DACT3: variants seen among roughly 807,000 people sequenced by gnomAD.
The protein encoded by DACT3 is dapper homolog 3.
Under a neutral mutation model 19.6 loss-of-function variants are expected in DACT3, and 5 were observed. The ratio of observed to expected loss-of-function variants is 0.26; its 90% CI spans 0.13 to 0.54. The LOEUF (loss-of-function observed/expected upper bound fraction) is 0.54, where lower values mean the gene tolerates loss of function less well. Ranked by LOEUF, DACT3 falls within the 20% of genes least tolerant of loss-of-function variation. The probability of loss-of-function intolerance (pLI) is 0.95; values close to 1 mark genes in which losing one functional copy is unlikely to be tolerated. For missense variants in DACT3, 908 were observed against 927.4 expected (o/e 0.98, Z 0.27); for synonymous variants, 454 against 428.1 (o/e 1.06, Z -0.75).
intron 1 of DACT3, among the ~76,000 whole-genome samples, chr19:46,658,096 G>GAATA (rs113444300): frequency 1.3e-5 from 2 of 151,872 alleles, no homozygotes; most frequent in African/African-American, 4.8e-5. Context: ...CTGTCTCAAT[G>GAATA]AATAAATAAA....
Position 46,647,869 on chromosome 19 carries a change from A to C in DACT3, c.*613T>G, listed in dbSNP as rs1041483824. On this transcript the variant is annotated 3_prime_UTR_variant, in exon 4 of 4. Coordinates refer to ENST00000391916, the MANE Select transcript of DACT3 (RefSeq NM_145056.3). ...CCATAATTGTCCAGGGATCGAAGTG[A>C]AAGAGTCCTTCTTTCCAGGTGTTAC... 6 of 152,790 alleles carry C rather than the reference A, an allele frequency of 3.9e-5. No individual in the cohort carries two copies. The highest frequency in any genetic ancestry group is 3.9e-4 in the Admixed American group (6 of 15,338). The allele number at this position is 152,790 out of a possible 1,614,324, so 9.5% of individuals were successfully genotyped here. A position where few individuals can be genotyped will look rare whatever the true frequency, so the allele number is the denominator to read the frequency against.
Position 46,649,788 on chromosome 19 carries a change from C to A in DACT3, c.584G>T (p.Gly195Val). 4 of 1,355,684 alleles carry A rather than the reference C, an allele frequency of 3.0e-6. No individual in the cohort carries two copies. The highest frequency in any genetic ancestry group is 1.5e-5 in the African/African-American group (1 of 65,088). The allele number at this position is 1,355,684 out of a possible 1,614,324, so 84.0% of individuals were successfully genotyped here. The change falls in exon 4 of 4, where the codon GGG becomes GTG. Residue 195 changes from glycine to valine, a missense_variant. Gly to Val is a moderately radical substitution (Grantham distance 109). Coordinates refer to ENST00000391916, the MANE Select transcript of DACT3 (RefSeq NM_145056.3). The stretch of plus-strand genomic sequence containing the variant: ...GCAGGCCTCCGGGCCGGCGGACCCC[C>A]CTGCCGTCGGGTAGGGCGCTGAGAA... Reference protein sequence around the residue: ...RSFSAPYPTAGGSAGPEACSS... With the variant: ...RSFSAPYPTAVGSAGPEACSS...
rs2053064818 is a variant in DACT3 at position 46,660,215 on chromosome 19, A to G, written c.249+601T>C. ...GGGGAAGTGTCACCAAAGGGTCAAG[A>G]TCCCAGTGGGGGGTCCTCAGGGACT... On this transcript the variant is annotated intron_variant, in intron 1 of 3. Transcript: ENST00000391916. This position sits in a 1 kb window ranked among gnomAD's most constrained non-coding sequence, Gnocchi z 4.9. 1 of 152,494 alleles carries G rather than the reference A, an allele frequency of 6.6e-6. No individual in the cohort carries two copies. The highest frequency in any genetic ancestry group is 1.5e-5 in the Non-Finnish European group (1 of 68,202). 9.4% of individuals were successfully genotyped at this position (152,494 alleles called of 1,614,324 possible).
At chr19:46,655,790 G>T (rs2053028139) in intron 1 of DACT3, among the ~76,000 whole-genome samples, 1 of 151,916 alleles carries the variant, frequency 6.6e-6, no homozygotes. Context: ...TATTTAATGG[G>T]CTGGGTGTGG....
Position 46,659,159 on chromosome 19 carries a change from G to A in DACT3, c.249+1657C>T, listed in dbSNP as rs1409247261. 5 of 984,840 alleles carry A rather than the reference G, an allele frequency of 5.1e-6. No homozygotes were observed. In the African/African-American group the frequency reaches 7.0e-5, roughly 14 times the overall value. The allele number at this position is 984,840 out of a possible 1,614,324, so 61.0% of individuals were successfully genotyped here. A position where few individuals can be genotyped will look rare whatever the true frequency, so the allele number is the denominator to read the frequency against. ...CCAGCACTAGAGAAGTTTATATTTA[G>A]CGCTTCTCTGCTCCTCCTCCTCCCC... On this transcript the variant is annotated intron_variant, in intron 1 of 3. Transcript: ENST00000391916.
intron 3 of DACT3, 97 bp downstream of exon 3, chr19:46,652,563 G>A: frequency 7.7e-7 from 1 of 1,290,354 alleles, no homozygotes; most frequent in Non-Finnish European, 1.1e-6. Context: ...TGTCACAGCT[G>A]GAATTGGAAT....
At position 46,661,015 on chromosome 19, in the gene DACT3, C is replaced by A. The variant is rs2053071873; in HGVS notation, c.50G>T (p.Arg17Leu). 2 of 1,531,476 alleles carry A rather than the reference C, an allele frequency of 1.3e-6. No homozygotes were observed. Among genetic ancestry groups the A allele is most frequent in the Non-Finnish European group, 1.7e-6 (2 of 1,143,824 alleles). The allele number at this position is 1,531,476 out of a possible 1,614,324, so 94.9% of individuals were successfully genotyped here. The change falls in exon 1 of 4, where the codon CGG becomes CTG. Residue 17 changes from arginine to leucine, a missense_variant. Arg to Leu is a moderately radical substitution (Grantham distance 102). This residue lies in a region of DACT3 where 252 missense variants were observed against 325.6 expected (regional missense o/e 0.77). Coordinates refer to ENST00000391916, the MANE Select transcript of DACT3 (RefSeq NM_145056.3). The part of the protein sequence containing the change: ...FPVSPERGRL[R>L]GWLEGSLAGL... ...GGCCAGGCTACCCTCCAGCCAGCCC[C>A]GCAGCCGGCCCCGCTCAGGGCTCAC...
In DACT3 at chr19:46,661,162, C is replaced by T. The variant is rs946912928; in HGVS notation, c.-98G>A. The T allele has an allele frequency of 8.7e-6, 11 of 1,259,106 alleles. No homozygotes were observed. Among genetic ancestry groups the T allele is most frequent in the Non-Finnish European group, 1.1e-5 (11 of 982,772 alleles). The allele number at this position is 1,259,106 out of a possible 1,614,324, so 78.0% of individuals were successfully genotyped here. A position where few individuals can be genotyped will look rare whatever the true frequency, so the allele number is the denominator to read the frequency against. The stretch of plus-strand genomic sequence containing the variant: ...GCAGCCTGCCCGCCCGCCCGCTGGC[C>T]GGGCTGTCACCGTCTCATCTGCATA... On this transcript the variant is annotated 5_prime_UTR_variant, in exon 1 of 4. Coordinates refer to ENST00000391916, the MANE Select transcript of DACT3 (RefSeq NM_145056.3).
chr19:46,661,152 G>A lies in DACT3; in HGVS notation c.-88C>T, dbSNP rs1258524470. ...CCCCGCCCCAGCAGCCTGCCCGCCC[G>A]CCCGCTGGCCGGGCTGTCACCGTCT... On this transcript the variant is annotated 5_prime_UTR_variant, in exon 1 of 4. Transcript: ENST00000391916. The A allele has an allele frequency of 3.0e-5, 38 of 1,255,206 alleles. No homozygotes were observed. Among genetic ancestry groups the A allele is most frequent in the Non-Finnish European group, 3.7e-5 (37 of 989,584 alleles). 77.8% of individuals were successfully genotyped at this position (1,255,206 alleles called of 1,614,324 possible). A position where few individuals can be genotyped will look rare whatever the true frequency, so the allele number is the denominator to read the frequency against.
rs893950483 is a variant in DACT3, at chr19:46,661,147, C to A, written c.-83G>T. The A allele has an allele frequency of 5.5e-6, 7 of 1,277,770 alleles. No homozygotes were observed. Among genetic ancestry groups the A allele is most frequent in the Non-Finnish European group, 7.0e-6 (7 of 999,872 alleles). 79.2% of individuals were successfully genotyped at this position (1,277,770 alleles called of 1,614,324 possible). On this transcript the variant is annotated 5_prime_UTR_variant, in exon 1 of 4. Transcript: ENST00000391916. ...CACCTCCCCGCCCCAGCAGCCTGCC[C>A]GCCCGCCCGCTGGCCGGGCTGTCAC...
At chr19:46,657,510 C>T (rs1461506011) in intron 1 of DACT3, among the ~76,000 whole-genome samples, 3 of 151,414 alleles carry the variant, frequency 2.0e-5, no homozygotes, top group African/African-American at 7.3e-5. Context: ...CCCGCCACCA[C>T]GCCCAGCTAA....
rs1383757399 is a variant in DACT3, at chr19:46,660,901, G to T, written c.164C>A (p.Ala55Asp). The T allele has an allele frequency of 2.9e-5, 45 of 1,537,142 alleles. No individual in the cohort carries two copies. Among genetic ancestry groups the T allele is most frequent in the Non-Finnish European group, 3.8e-5 (44 of 1,145,720 alleles). The change falls in exon 1 of 4, where the codon GCC (alanine) becomes GAC (aspartate). Residue 55 changes from alanine to aspartate, a missense_variant. By Grantham distance (126) the Ala-to-Asp change is moderately radical. Around this residue, in one of 2 missense-constraint regions of DACT3, gnomAD observed 252 missense variants for 325.6 expected, o/e 0.77. Transcript: ENST00000391916. This position sits in a 1 kb window ranked among gnomAD's most constrained non-coding sequence, Gnocchi z 4.9. ...LRLAQPGMGG[A>D]EAEDEEDADE... is the part of the protein sequence containing the mutation. ...GGCGTCCTCCTCGTCCTCGGCCTCG[G>T]CGCCCCCCATTCCGGGCTGGGCCAG...
chr19:46,655,188 C>A (rs755210518), intron 1 of DACT3: 1 of 382,104 alleles, frequency 2.6e-6, no homozygotes, highest in African/African-American at 2.2e-5. Flanking sequence ...CACATACCTT[C>A]CTTGCTTCAT....
chr19:46,652,297 G>A lies in DACT3; in HGVS notation c.499+363C>T, dbSNP rs769850455. 2.7e-4 allele frequency: 78 copies of A among 285,226 alleles called. 2 individuals carry two copies. The South Asian group carries it at 5.6e-3, about 21-fold the overall frequency. 17.7% of individuals were successfully genotyped at this position (285,226 alleles called of 1,614,324 possible). A position where few individuals can be genotyped will look rare whatever the true frequency, so the allele number is the denominator to read the frequency against. On this transcript the variant is annotated intron_variant, in intron 3 of 3. Coordinates refer to ENST00000391916, the MANE Select transcript of DACT3 (RefSeq NM_145056.3). ...CAACCTCCACCTCCCAGGTTCAAGCGATCCTCCCACCTCAGCCTCCCGAGT... is the reference window on the plus strand; with the variant it reads ...CAACCTCCACCTCCCAGGTTCAAGCAATCCTCCCACCTCAGCCTCCCGAGT...
At position 46,649,125 on chromosome 19, in the gene DACT3, G is replaced by T; in HGVS notation, c.1247C>A (p.Pro416His). The stretch of plus-strand genomic sequence containing the variant: ...GGAGCGCGAGGCCTTGCGGGCCCTG[G>T]GCGAGCCGCGGCGGCCCGAAGCCTC... Reference protein sequence around the residue: ...MAEASGRRGSPRARKASRSQS... With the variant: ...MAEASGRRGSHRARKASRSQS... The change falls in exon 4 of 4, where the codon CCC (proline) becomes CAC (histidine). Residue 416 changes from proline (P) to histidine (H), a missense_variant. Physicochemically the swap from Pro to His is moderately conservative, Grantham distance 77. This residue lies in a region of DACT3 where 656 missense variants were observed against 601.8 expected (regional missense o/e 1.09). Transcript: ENST00000391916. 7.8e-7 allele frequency: 1 copy of T among 1,274,078 alleles called. No homozygotes were observed. The highest frequency in any genetic ancestry group is 2.4e-5 in the South Asian group (1 of 42,298). 78.9% of individuals were successfully genotyped at this position (1,274,078 alleles called of 1,614,324 possible).
rs796090036 is a variant in DACT3, at chr19:46,655,925, C to A, written c.250-2850G>T. Among the ~76,000 whole-genome samples, 740 of 137,892 alleles carry A rather than the reference C, an allele frequency of 5.4e-3. 14 individuals carry two copies. The highest frequency in any genetic ancestry group is 0.031 in the Admixed American group (419 of 13,400). The allele number at this position is 137,892 out of a possible 152,430, so 90.5% of individuals were successfully genotyped here. On this transcript the variant is annotated intron_variant, in intron 1 of 3. Coordinates refer to ENST00000391916, the MANE Select transcript of DACT3 (RefSeq NM_145056.3). ...AGTCTCTCTCTCTCTCTCTCTCTCTCTATATATATATATATATATATACAC... is the reference window on the plus strand; with the variant it reads ...AGTCTCTCTCTCTCTCTCTCTCTCTATATATATATATATATATATATACAC...
intron 1 of DACT3, among the ~76,000 whole-genome samples, chr19:46,653,352 G>C (rs2053004901): frequency 6.6e-6 from 1 of 151,428 alleles, no homozygotes; most frequent in Admixed American, 6.6e-5. Context: ...CCCATCTCTT[G>C]CCCTGTCTTT....
Position 46,649,035 on chromosome 19 carries a change from G to A in DACT3, c.1337C>T (p.Thr446Met), listed in dbSNP as rs1388024839. Residue 446 changes from threonine to methionine, a missense_variant, in exon 4 of 4, where the codon ACG becomes ATG. Physicochemically the swap from Thr to Met is moderately conservative, Grantham distance 81. Coordinates refer to ENST00000391916, the MANE Select transcript of DACT3 (RefSeq NM_145056.3). ...AGGCCGAGGCTCTTCCCGCTCCGCC[G>A]TGGGGTACTTAGGGGGCCCCGAAGG... ...AVPSGPPKYP[T>M]AEREEPRPPR... 1.1e-5 allele frequency: 14 copies of A among 1,276,854 alleles called. No individual in the cohort carries two copies. Among genetic ancestry groups the A allele is most frequent in the South Asian group, 2.4e-5 (1 of 41,780 alleles). 79.1% of individuals were successfully genotyped at this position (1,276,854 alleles called of 1,614,324 possible). A position where few individuals can be genotyped will look rare whatever the true frequency, so the allele number is the denominator to read the frequency against.
chr19:46,653,250 C>A (rs2053004217), intron 1 of DACT3, among the ~76,000 whole-genome samples, 175 bp from the exon 2 acceptor site: 1 of 152,122 alleles, frequency 6.6e-6, no homozygotes, highest in Non-Finnish European at 1.5e-5. Flanking sequence ...CCTTCATCCC[C>A]ATTAGAAAGT....
Sources: gnomAD v4.1 joint callset for allele counts (sites outside exome capture counted in the v4.1 genomes callset) on GRCh38, gnomAD v4.1.1 for gene constraint, gnomAD v4.1.1 regional missense constraint, Gnocchi (gnomAD v3.1) non-coding constraint, MANE v1.5 for transcripts, NCBI Gene and HGNC (gene_info 2026-07-23, HGNC 2026-07-21) for gene names.